CELA3A: variants seen among roughly 807,000 people sequenced by gnomAD.
The protein encoded by CELA3A is chymotrypsin like elastase 3A, also known as chymotrypsin-like elastase family member 3A.
A neutral mutation model predicts 38.6 loss-of-function variants in CELA3A; 35 were observed. The observed-to-expected ratio is 0.91, with a 90% confidence interval of 0.69 to 1.20. The LOEUF (loss-of-function observed/expected upper bound fraction) is 1.20, where lower values mean the gene tolerates loss of function less well. Among genes scored for constraint, CELA3A ranks in the 50% most tolerant of loss-of-function variants. CELA3A has a pLI of 0.00. For synonymous variants in CELA3A, 143 were observed against 136.7 expected (o/e 1.05, Z -0.32); for missense variants, 343 against 354.2 (o/e 0.97, Z 0.25).
chr1:22,002,350 T>C, intron 1 of CELA3A, among the ~76,000 whole-genome samples: 1 of 150,904 alleles, frequency 6.6e-6, no homozygotes, highest in Non-Finnish European at 1.5e-5. Flanking sequence ...AGAGCTGCAC[T>C]TAATGTTTTT....
chr1:22,007,192 G>C (rs1024826431), intron 5 of CELA3A, among the ~76,000 whole-genome samples, 178 bp downstream of exon 5: 5 of 151,528 alleles, frequency 3.3e-5, no homozygotes, highest in African/African-American at 1.2e-4. Context: ...ACATGTTTTG[G>C]TATCTTCTGT....
At chr1:22,003,606 G>A (rs1468125961) in intron 2 of CELA3A, among the ~76,000 whole-genome samples, 2 of 150,726 alleles carry the variant, frequency 1.3e-5, no homozygotes, top group Admixed American at 6.6e-5. Context: ...CCTTGAACCT[G>A]GGAGTTGGAG....
At chr1:22,007,814 G>A (rs1486905651) in intron 6 of CELA3A, among the ~76,000 whole-genome samples, 2 of 151,176 alleles carry the variant, frequency 1.3e-5, no homozygotes, top group African/African-American at 2.5e-5. Flanking sequence ...GACCTCTAAC[G>A]CAGGTCAATT....
At chr1:22,004,797 G>C (rs1275283671) in intron 2 of CELA3A, among the ~76,000 whole-genome samples, 1 of 150,922 alleles carries the variant, frequency 6.6e-6, no homozygotes, top group Non-Finnish European at 1.5e-5. Context: ...TGAAAGAGCT[G>C]AGGTTCAAAA....
At position 22,005,562 on chromosome 1, in the gene CELA3A, T is replaced by C; in HGVS notation, c.227+18T>C. On this transcript the variant is annotated intron_variant, in intron 3 of 7. Transcript: ENST00000290122. ...TGCATCTCGTGAGTTCTCTACCCTG[T>C]CCCTGCCTGTGGCCCTGGGCAGCGG... 1 of 1,612,686 alleles carries C rather than the reference T, an allele frequency of 6.2e-7. No homozygotes were observed. Among genetic ancestry groups the C allele is most frequent in the Non-Finnish European group, 8.5e-7 (1 of 1,179,496 alleles).
Position 22,003,031 on chromosome 1 carries a change from C to A in CELA3A, c.72C>A (p.His24Gln). 3.2e-6 allele frequency: 5 copies of A among 1,571,480 alleles called. No homozygotes were observed. The highest frequency in any genetic ancestry group is 4.3e-6 in the Non-Finnish European group (5 of 1,167,240). ...CAGGCTATGGCCCACCTTCCTCTCA[C>A]TCTTCCAGCCGCGTTGTCCATGGTG... ...VASGYGPPSSHSSSRVVHGED... is the reference protein window; with the variant it reads ...VASGYGPPSSQSSSRVVHGED... Residue 24 changes from histidine (H) to glutamine (Q), a missense_variant, in exon 2 of 8, where the codon CAC (histidine) becomes CAA (glutamine). His to Gln is a conservative substitution (Grantham distance 24, BLOSUM62 0). Coordinates refer to ENST00000290122, the MANE Select transcript of CELA3A (RefSeq NM_005747.5).
rs1330659159 is a variant in CELA3A at position 22,005,714 on chromosome 1, G to T, written c.280G>T (p.Glu94Ter). ...VLGEYNLAVK[E>*]GPEQVIPINS... ...GGGTGAGTACAACCTTGCTGTGAAGGAGGGCCCCGAGCAGGTGATCCCCAT... is the reference window on the plus strand; with the variant it reads ...GGGTGAGTACAACCTTGCTGTGAAGTAGGGCCCCGAGCAGGTGATCCCCAT... Residue 94 changes from glutamate to a stop codon, truncating the protein, a stop_gained, in exon 4 of 8, where the codon GAG (glutamate) becomes TAG (stop). Transcript: ENST00000290122. LOFTEE classifies it high-confidence loss of function. 1 of 1,612,482 alleles carries T rather than the reference G, an allele frequency of 6.2e-7. No homozygotes were observed. Among genetic ancestry groups the T allele is most frequent in the East Asian group, 2.2e-5 (1 of 44,702 alleles).
Position 22,009,772 on chromosome 1 carries a change from G to A in CELA3A, c.710G>A (p.Ser237Asn). The change falls in exon 7 of 8, where the codon AGC becomes AAC. Residue 237 changes from serine (S) to asparagine (N), a missense_variant. Coordinates refer to ENST00000290122, the MANE Select transcript of CELA3A (RefSeq NM_005747.5). ...DGGWQVHGVT[S>N]FVSAFGCNFI... ...GGCTGGCAGGTCCACGGTGTGACCAGCTTTGTTTCTGCCTTTGGCTGCAAC... is the reference window on the plus strand; with the variant it reads ...GGCTGGCAGGTCCACGGTGTGACCAACTTTGTTTCTGCCTTTGGCTGCAAC... The A allele has an allele frequency of 6.2e-7, 1 of 1,612,158 alleles. No individual in the cohort carries two copies. The highest frequency in any genetic ancestry group is 8.5e-7 in the Non-Finnish European group (1 of 1,179,336).
intron 6 of CELA3A, among the ~76,000 whole-genome samples, chr1:22,008,944 T>C (rs974357527): frequency 1.3e-5 from 2 of 151,742 alleles, no homozygotes; most frequent in African/African-American, 4.9e-5. Context: ...TACTATTCCC[T>C]ATCACAAATG....
At chr1:22,004,964 C>T (rs565618029) in intron 2 of CELA3A, among the ~76,000 whole-genome samples, 5 of 150,918 alleles carry the variant, frequency 3.3e-5, no homozygotes, top group Admixed American at 6.6e-5. Context: ...CCAGGCACGA[C>T]GGCAGGTGCC....
chr1:22,007,921 G>A (rs1644960798), intron 6 of CELA3A, among the ~76,000 whole-genome samples: 3 of 150,946 alleles, frequency 2.0e-5, no homozygotes, highest in South Asian at 4.2e-4. Context: ...GGAGGCTGAG[G>A]TGGGAGGATT....
intron 2 of CELA3A, among the ~76,000 whole-genome samples, chr1:22,004,279 C>T (rs1196925337): frequency 6.6e-6 from 1 of 150,724 alleles, no homozygotes; most frequent in South Asian, 2.1e-4. Flanking sequence ...CACTATGTTG[C>T]CCAGGCTTGC....
Position 22,012,285 on chromosome 1 carries a change from A to G in CELA3A, c.796-165A>G, listed in dbSNP as rs370716807. On this transcript the variant is annotated intron_variant, in intron 7 of 7. Coordinates refer to ENST00000290122, the MANE Select transcript of CELA3A (RefSeq NM_005747.5). Reference sequence around the variant, plus strand: ...CAATTTAATCAAGAACCCCCCCATGAGGTAAGTTCTATCCCTACTACATAG... The same window carrying G: ...CAATTTAATCAAGAACCCCCCCATGGGGTAAGTTCTATCCCTACTACATAG... 1.4e-4 allele frequency among the ~76,000 whole-genome samples: 17 copies of G among 124,800 alleles called. 6 individuals carry two copies. In the East Asian group the frequency reaches 4.4e-3, roughly 32 times the overall value. 81.9% of individuals were successfully genotyped at this position (124,800 alleles called of 152,430 possible).
intron 6 of CELA3A, among the ~76,000 whole-genome samples, chr1:22,009,103 C>G (rs1407031977): frequency 6.8e-6 from 1 of 148,106 alleles, no homozygotes; most frequent in Non-Finnish European, 1.5e-5. Context: ...CAGTGACTCA[C>G]GCCTGTAATC....
In CELA3A at chr1:22,010,317, C is replaced by A. The variant is rs560550581; in HGVS notation, c.795+460C>A. 1.4e-4 allele frequency: 46 copies of A among 332,906 alleles called. 1 individual carries two copies. The highest frequency in any genetic ancestry group is 1.8e-4 in the Non-Finnish European group (28 of 158,390). 20.6% of individuals were successfully genotyped at this position (332,906 alleles called of 1,614,324 possible). A position where few individuals can be genotyped will look rare whatever the true frequency, so the allele number is the denominator to read the frequency against. ...CATGGTAACAGTAATAGCTAAACAA[C>A]AAAAAAAAAGAGAGTAATAGCTGGG... On this transcript the variant is annotated intron_variant, in intron 7 of 7. Coordinates refer to ENST00000290122, the MANE Select transcript of CELA3A (RefSeq NM_005747.5).
intron 6 of CELA3A, among the ~76,000 whole-genome samples, chr1:22,009,073 C>G (rs569333645): frequency 1.3e-5 from 2 of 151,558 alleles, no homozygotes; most frequent in African/African-American, 4.9e-5. Flanking sequence ...AATCCCATCT[C>G]TATTAAATAT....
At chr1:22,011,953 T>C (rs1344556089) in intron 7 of CELA3A, among the ~76,000 whole-genome samples, 2 of 126,030 alleles carry the variant, frequency 1.6e-5, no homozygotes, top group Non-Finnish European at 3.3e-5. Flanking sequence ...CTTGGGAGGC[T>C]GAGGAAGGAG....
intron 6 of CELA3A, among the ~76,000 whole-genome samples, chr1:22,008,152 CT>C (rs71016968): frequency 2.4e-4 from 21 of 86,850 alleles, no homozygotes; most frequent in South Asian, 2.0e-3. Context: ...GACGTTGTCT[CT>C]TTTTTTTTTT....
chr1:22,007,249 T>C, intron 5 of CELA3A, 124 bp from the exon 6 acceptor site: 1 of 1,389,632 alleles, frequency 7.2e-7, no homozygotes, highest in Non-Finnish European at 9.8e-7. Context: ...TGCAGGACCA[T>C]TTAGCGGGTG....
Sources: gnomAD v4.1 joint callset for allele counts (sites outside exome capture counted in the v4.1 genomes callset) on GRCh38, gnomAD v4.1.1 for gene constraint, MANE v1.5 for transcripts, NCBI Gene and HGNC (gene_info 2026-07-23, HGNC 2026-07-21) for gene names.